The following CREB5 variants were observed in gnomAD, a reference collection of about 807,000 sequenced individuals.
The protein encoded by CREB5 is cAMP responsive element binding protein 5, also known as cyclic AMP-responsive element-binding protein 5.
Under a neutral mutation model 57.1 loss-of-function variants are expected in CREB5, and 19 were observed. The ratio of observed to expected loss-of-function variants is 0.33; its 90% CI spans 0.23 to 0.49. CREB5 has a LOEUF of 0.49. CREB5 is among the 20% of genes least tolerant of loss of function. The probability of loss-of-function intolerance (pLI) is 0.99; values close to 1 mark genes in which losing one functional copy is unlikely to be tolerated. For synonymous variants in CREB5, 238 were observed against 238.3 expected, an observed-to-expected ratio of 1.00 and a Z score of 0.01; for missense variants, 579 against 671.6, an observed-to-expected ratio of 0.86 and a Z score of 1.52.
chr7:28,786,540 G>T (rs572780786), intron 7 of CREB5, among the ~76,000 whole-genome samples: 30 of 152,138 alleles, frequency 2.0e-4, no homozygotes, highest in Non-Finnish European at 2.1e-4. Context: ...GAGCCACTGC[G>T]CCAGGCCTAT....
chr7:28,416,252 G>A (rs1390153088), intron 1 of CREB5, among the ~76,000 whole-genome samples: 1 of 152,094 alleles, frequency 6.6e-6, no homozygotes, highest in Non-Finnish European at 1.5e-5. Context: ...CTGTGTTGCA[G>A]GCATGATTTC....
chr7:28,429,843 G>C (rs2128016272), intron 1 of CREB5, among the ~76,000 whole-genome samples: 1 of 152,298 alleles, frequency 6.6e-6, no homozygotes, highest in East Asian at 1.9e-4. Context: ...TCAAGGTGCT[G>C]GGGGCACAGG....
At chr7:28,539,047 C>T (rs760318187) in intron 4 of CREB5, among the ~76,000 whole-genome samples, 1 of 152,128 alleles carries the variant, frequency 6.6e-6, no homozygotes, top group African/African-American at 2.4e-5. Context: ...TTTAATAGTT[C>T]GACATCTTTC....
At chr7:28,687,495 T>A (rs1039938294) in intron 5 of CREB5, among the ~76,000 whole-genome samples, 2 of 149,934 alleles carry the variant, frequency 1.3e-5, no homozygotes, top group African/African-American at 2.5e-5. Flanking sequence ...ATAGATTTCG[T>A]ATTGTGATAT....
At chr7:28,441,703 G>A (rs1033013363) in intron 1 of CREB5, among the ~76,000 whole-genome samples, 2 of 152,150 alleles carry the variant, frequency 1.3e-5, no homozygotes, top group Non-Finnish European at 2.9e-5. Flanking sequence ...GTGAACTGGA[G>A]CTACTTTTAA....
intron 1 of CREB5, among the ~76,000 whole-genome samples, chr7:28,426,536 C>T (rs955649073): frequency 4.6e-5 from 7 of 152,224 alleles, no homozygotes; most frequent in African/African-American, 1.4e-4. Flanking sequence ...TTCCCTGGAA[C>T]ATCTGCAATC....
chr7:28,368,455 G>A (rs959679205), intron 1 of CREB5, among the ~76,000 whole-genome samples: 3 of 152,154 alleles, frequency 2.0e-5, no homozygotes, highest in African/African-American at 2.4e-5. Context: ...GTGCTCTGTG[G>A]TCTGGGCCCT....
intron 5 of CREB5, among the ~76,000 whole-genome samples, chr7:28,675,732 G>A (rs925435816): frequency 1.3e-5 from 2 of 152,120 alleles, no homozygotes; most frequent in African/African-American, 4.8e-5. Context: ...TTGCAAAGTG[G>A]TGCAGTGTGG....
intron 1 of CREB5, among the ~76,000 whole-genome samples, chr7:28,417,336 AT>A (rs1788068391): frequency 6.7e-6 from 1 of 150,146 alleles, no homozygotes; most frequent in East Asian, 2.0e-4. Flanking sequence ...ACTACTTTAC[AT>A]TCTCTCTTTC....
At chr7:28,560,883 C>CGCGTGTGT (rs1795138103) in intron 4 of CREB5, among the ~76,000 whole-genome samples, 11 of 17,258 alleles carry the variant, frequency 6.4e-4, no homozygotes, top group Non-Finnish European at 1.1e-3. Flanking sequence ...CGCGTGCGTG[C>CGCGTGTGT]GTGCGTGTGT....
At chr7:28,769,532 T>C (rs1806209663) in intron 7 of CREB5, among the ~76,000 whole-genome samples, 1 of 152,186 alleles carries the variant, frequency 6.6e-6, no homozygotes, top group South Asian at 2.1e-4. Context: ...TGAAGAATAA[T>C]TTTTTAAAAA....
intron 5 of CREB5, among the ~76,000 whole-genome samples, chr7:28,664,415 T>C (rs941918001): frequency 6.6e-6 from 1 of 152,158 alleles, no homozygotes; most frequent in East Asian, 1.9e-4. Context: ...AGATGAAAAA[T>C]ACATTTTTTT....
intron 5 of CREB5, among the ~76,000 whole-genome samples, chr7:28,699,065 A>G (rs1237663590): frequency 6.6e-6 from 1 of 151,988 alleles, no homozygotes. Flanking sequence ...GGGCTGGGCC[A>G]TTTGCTCTGT....
rs1268541355 is a variant in CREB5 at position 28,561,001 on chromosome 7, T to TGCGC, written c.292-9363_292-9362insCGCG. ...GTGTGCGTGCGTGTGTGTGCCTGCG[T>TGCGC]GTGCGTGTGTGTGTGCGTGTGTGCG... On this transcript the variant is annotated intron_variant, in intron 4 of 10. Coordinates refer to ENST00000357727, the MANE Select transcript of CREB5 (RefSeq NM_182898.4). Among the ~76,000 whole-genome samples, 33 of 25,270 alleles carry TGCGC rather than the reference T, an allele frequency of 1.3e-3. 7 individuals carry two copies. Among genetic ancestry groups the TGCGC allele is most frequent in the African/African-American group, 3.0e-3 (22 of 7,432 alleles). The allele number at this position is 25,270 out of a possible 152,430, so 16.6% of individuals were successfully genotyped here.
At chr7:28,340,487 C>T (rs1391107917) in intron 1 of CREB5, among the ~76,000 whole-genome samples, 1 of 152,158 alleles carries the variant, frequency 6.6e-6, no homozygotes, top group African/African-American at 2.4e-5. Flanking sequence ...TGTATCCTAC[C>T]ATGGTTAGGC....
At chr7:28,526,742 CAA>C in intron 4 of CREB5, among the ~76,000 whole-genome samples, 1 of 152,334 alleles carries the variant, frequency 6.6e-6, no homozygotes, top group Non-Finnish European at 1.5e-5. Flanking sequence ...CGACTGTGCA[CAA>C]AAGAGGTGCT....
At chr7:28,789,091 A>G (rs1049614641) in intron 7 of CREB5, among the ~76,000 whole-genome samples, 9 of 152,156 alleles carry the variant, frequency 5.9e-5, no homozygotes, top group African/African-American at 1.9e-4. Flanking sequence ...TTTAAGTTGC[A>G]TTTGAAATGT....
chr7:28,415,442 C>A (rs1456860556), intron 1 of CREB5, among the ~76,000 whole-genome samples: 1 of 152,210 alleles, frequency 6.6e-6, no homozygotes, highest in Non-Finnish European at 1.5e-5. Context: ...GTATCCTTCA[C>A]TCTTTTCAAG....
chr7:28,760,476 C>T (rs112079162), intron 7 of CREB5, among the ~76,000 whole-genome samples: 526 of 152,266 alleles, frequency 3.5e-3, no homozygotes, highest in Middle Eastern at 0.01. Flanking sequence ...TTTCTTCAAC[C>T]GATGCTGCCT....
Sources: gnomAD v4.1 joint callset for allele counts (sites outside exome capture counted in the v4.1 genomes callset) on GRCh38, gnomAD v4.1.1 for gene constraint, MANE v1.5 for transcripts, NCBI Gene and HGNC (gene_info 2026-07-23, HGNC 2026-07-21) for gene names.